GLDN: variants seen among roughly 807,000 people sequenced by gnomAD.
The protein encoded by GLDN is collomin.
GLDN carries 47 observed loss-of-function variants against 56.5 expected under a neutral mutation model. That is an observed-to-expected ratio of 0.83 (90% CI 0.66 to 1.06). The LOEUF (loss-of-function observed/expected upper bound fraction) is 1.06, where lower values mean the gene tolerates loss of function less well. Ranked by LOEUF, GLDN falls within the 50% of genes least tolerant of loss-of-function variation. The probability of loss-of-function intolerance (pLI) is 0.00; values close to 1 mark genes in which losing one functional copy is unlikely to be tolerated. For synonymous variants in GLDN, 332 were observed against 278.8 expected (o/e 1.19, Z -1.90); for missense variants, 782 against 714.3 (o/e 1.09, Z -1.08).
At position 51,404,693 on chromosome 15, in the gene GLDN, G is replaced by A. The variant is rs1161383637; in HGVS notation, c.1595G>A (p.Trp532Ter). ...YNMRDQHLYS[W>*]EDGHLMLYPV... is the part of the protein sequence containing the mutation. ...ATGAGAGATCAGCATTTATATTCATGGGAAGATGGCCATTTAATGCTTTAT... is the reference window on the plus strand; with the variant it reads ...ATGAGAGATCAGCATTTATATTCATAGGAAGATGGCCATTTAATGCTTTAT... Residue 532 changes from tryptophan (W) to a stop codon, truncating the protein, a stop_gained, in exon 10 of 10, where the codon TGG becomes TAG. Transcript: ENST00000335449. LOFTEE classifies it high-confidence loss of function. 6.2e-7 allele frequency: 1 copy of A among 1,612,724 alleles called. No homozygotes were observed. The highest frequency in any genetic ancestry group is 8.5e-7 in the Non-Finnish European group (1 of 1,178,762).
Position 51,384,034 on chromosome 15 carries a change from C to T in GLDN, c.541+142C>T, listed in dbSNP as rs751862948. 10 of 730,964 alleles carry T rather than the reference C, an allele frequency of 1.4e-5. No individual in the cohort carries two copies. The Middle Eastern group carries it at 6.8e-4, about 50-fold the overall frequency. The allele number at this position is 730,964 out of a possible 1,614,324, so 45.3% of individuals were successfully genotyped here. ...GCCGGTTTAACTCTTACCTAGAAGC[C>T]ATTGCGTTCCGGGATACCAAGGGTA... On this transcript the variant is annotated intron_variant, in intron 4 of 9. Coordinates refer to ENST00000335449, the MANE Select transcript of GLDN (RefSeq NM_181789.4).
At chr15:51,411,641 T>C (rs919628046), downstream of GLDN, among the ~76,000 whole-genome samples, 1 of 152,274 alleles carries the variant, frequency 6.6e-6, no homozygotes, top group African/African-American at 2.4e-5. Flanking sequence ...AGCATGGCTC[T>C]ATTAAAACTT....
chr15:51,406,902 T>C lies in GLDN; in HGVS notation c.*2148T>C, dbSNP rs2141143850. The C allele has an allele frequency of 6.6e-6, 1 of 152,360 alleles. No individual in the cohort carries two copies. The highest frequency in any genetic ancestry group is 2.1e-4 in the South Asian group (1 of 4,826). 9.4% of individuals were successfully genotyped at this position (152,360 alleles called of 1,614,324 possible). A position where few individuals can be genotyped will look rare whatever the true frequency, so the allele number is the denominator to read the frequency against. ...TGTCTAATAAGTGCTGGTGTCCTTT[T>C]AAAGTATTTAAATATATATGTTGCT... On this transcript the variant is annotated 3_prime_UTR_variant, in exon 10 of 10. Coordinates refer to ENST00000335449, the MANE Select transcript of GLDN (RefSeq NM_181789.4).
intron 1 of GLDN, among the ~76,000 whole-genome samples, chr15:51,372,270 C>T (rs1459211664): frequency 6.6e-6 from 1 of 152,224 alleles, no homozygotes; most frequent in Non-Finnish European, 1.5e-5. Context: ...TTTCTCAATA[C>T]TGCCACATTC....
At chr15:51,373,853 TAA>T in intron 1 of GLDN, among the ~76,000 whole-genome samples, 1 of 152,322 alleles carries the variant, frequency 6.6e-6, no homozygotes, top group South Asian at 2.1e-4. Flanking sequence ...CCTCAAGACT[TAA>T]GAGGCCCTTA....
chr15:51,412,575 C>G (rs572594159), downstream of GLDN, among the ~76,000 whole-genome samples: 1 of 152,162 alleles, frequency 6.6e-6, no homozygotes, highest in Non-Finnish European at 1.5e-5. Flanking sequence ...TGCACTCCAG[C>G]TTTCTTTTGG....
In GLDN at chr15:51,406,381, C is replaced by A. The variant is rs958027238; in HGVS notation, c.*1627C>A. ...GGGGCTCTGCAGCCAGGAAGGGGAA[C>A]CAGGGCAAATCTTATGTAAAGATTT... On this transcript the variant is annotated 3_prime_UTR_variant, in exon 10 of 10. Coordinates refer to ENST00000335449, the MANE Select transcript of GLDN (RefSeq NM_181789.4). The A allele has an allele frequency of 6.6e-6, 1 of 152,202 alleles. No individual in the cohort carries two copies. The highest frequency in any genetic ancestry group is 2.4e-5 in the African/African-American group (1 of 41,444). The allele number at this position is 152,202 out of a possible 1,614,324, so 9.4% of individuals were successfully genotyped here.
chr15:51,350,744 G>A (rs2445773), intron 1 of GLDN, among the ~76,000 whole-genome samples: 32,661 of 152,148 alleles, frequency 0.21, 3,865 homozygotes, highest in East Asian at 0.49. Flanking sequence ...CACAAATAAA[G>A]CATTCCTTGT....
chr15:51,377,140 G>T, intron 1 of GLDN: 1 of 402,890 alleles, frequency 2.5e-6, no homozygotes, highest in Non-Finnish European at 4.5e-6. Flanking sequence ...ACAATCTGCA[G>T]TGTGGTAGGT....
downstream of GLDN, among the ~76,000 whole-genome samples, chr15:51,411,269 A>G (rs1172972249): frequency 1.3e-5 from 2 of 152,210 alleles, no homozygotes; most frequent in Admixed American, 6.5e-5. Context: ...AGAAGGGGAG[A>G]AAAATCTCAG....
At chr15:51,344,565 C>T (rs1566933260) in intron 1 of GLDN, among the ~76,000 whole-genome samples, 2 of 152,096 alleles carry the variant, frequency 1.3e-5, no homozygotes, top group African/African-American at 4.8e-5. Flanking sequence ...CAAGTGTATA[C>T]ACTTCTTATA....
intron 1 of GLDN, among the ~76,000 whole-genome samples, chr15:51,371,077 T>G (rs1452281851): frequency 6.6e-6 from 1 of 152,242 alleles, no homozygotes; most frequent in Non-Finnish European, 1.5e-5. Context: ...ATCAGTTGTT[T>G]GGTTTCATGA....
chr15:51,346,003 C>T (rs896371789), intron 1 of GLDN, among the ~76,000 whole-genome samples: 1 of 152,088 alleles, frequency 6.6e-6, no homozygotes. Flanking sequence ...TATATACTTA[C>T]CTTTTGTGTT....
chr15:51,400,522 C>T, intron 8 of GLDN, 24 bp downstream of exon 8: 1 of 1,608,532 alleles, frequency 6.2e-7, no homozygotes, highest in African/African-American at 1.3e-5. Flanking sequence ...GCCTATGACC[C>T]ATATCTGTGT....
intron 1 of GLDN, among the ~76,000 whole-genome samples, chr15:51,352,176 G>C (rs2037088769): frequency 6.6e-6 from 1 of 152,034 alleles, no homozygotes; most frequent in African/African-American, 2.4e-5. Context: ...CTGTTTTCTG[G>C]TTCATAGATG....
rs1285170262 is a variant in GLDN, at chr15:51,346,346, G to A, written c.363+4299G>A. Among the ~76,000 whole-genome samples, 5 of 152,230 alleles carry A rather than the reference G, an allele frequency of 3.3e-5. No individual in the cohort carries two copies. In the East Asian group the frequency reaches 9.6e-4, roughly 29 times the overall value. On this transcript the variant is annotated intron_variant, in intron 1 of 9. Transcript: ENST00000335449. ...TGGGATATGAATAGATAAACCAATGGGACAGAGTGGAAAGTTCCGAAATAA... is the reference window on the plus strand; with the variant it reads ...TGGGATATGAATAGATAAACCAATGAGACAGAGTGGAAAGTTCCGAAATAA...
At chr15:51,356,726 C>T (rs773846323) in intron 1 of GLDN, among the ~76,000 whole-genome samples, 16 of 152,080 alleles carry the variant, frequency 1.1e-4, no homozygotes, top group African/African-American at 3.1e-4. Context: ...AAAAAGGTGG[C>T]GATAGCAGTA....
intron 1 of GLDN, among the ~76,000 whole-genome samples, chr15:51,345,364 T>C: frequency 6.6e-6 from 1 of 152,236 alleles, no homozygotes; most frequent in Non-Finnish European, 1.5e-5. Context: ...ATTGTTGTCC[T>C]TGAGGGACTG....
rs1343654708 is a variant in GLDN, at chr15:51,397,598, G to A, written c.817G>A (p.Gly273Ser). 1 of 1,586,302 alleles carries A rather than the reference G, an allele frequency of 6.3e-7. No individual in the cohort carries two copies. Among genetic ancestry groups the A allele is most frequent in the Non-Finnish European group, 8.6e-7 (1 of 1,164,802 alleles). The change falls in exon 6 of 10, where the codon GGT becomes AGT. Residue 273 changes from glycine to serine, a missense_variant and splice_region_variant. By Grantham distance (56) the Gly-to-Ser change is moderately conservative (BLOSUM62 0). Transcript: ENST00000335449. ...QPSMFNGQCP[G>S]ETCAIPNDDT... Reference sequence around the variant, plus strand: ...AAGCATGTTCAACGGCCAGTGCCCAGGTCACCACCTCTCCCCTACGGGGCC... The same window carrying A: ...AAGCATGTTCAACGGCCAGTGCCCAAGTCACCACCTCTCCCCTACGGGGCC...
Sources: allele counts gnomAD v4.1 joint callset (sites outside exome capture counted in the v4.1 genomes callset), GRCh38; gene constraint gnomAD v4.1.1; transcripts MANE v1.5; gene names NCBI Gene and HGNC (gene_info 2026-07-23, HGNC 2026-07-21).